Variants in EPN2 observed in about 807,000 individuals in gnomAD.
The protein encoded by EPN2 is epsin 2, also known as epsin-2.
A neutral mutation model predicts 61.7 loss-of-function variants in EPN2; 34 were observed. The ratio of observed to expected loss-of-function variants is 0.55; its 90% CI spans 0.42 to 0.73. EPN2 has a LOEUF of 0.73. Among genes scored for constraint, EPN2 ranks in the 30% least tolerant of loss-of-function variants. EPN2 has a pLI of 0.00. For missense variants in EPN2, 714 were observed against 839.2 expected (o/e 0.85, Z 1.84); for synonymous variants, 349 against 353.6 (o/e 0.99, Z 0.15).
At chr17:19,314,262 G>A (rs1385922964) in intron 7 of EPN2, among the ~76,000 whole-genome samples, 2 of 152,168 alleles carry the variant, frequency 1.3e-5, no homozygotes, top group Admixed American at 1.3e-4. Flanking sequence ...TCCAGGACTC[G>A]ATGGAGGTTA....
chr17:19,320,845 A>T (rs1468225228), intron 7 of EPN2, among the ~76,000 whole-genome samples: 1 of 152,198 alleles, frequency 6.6e-6, no homozygotes, highest in African/African-American at 2.4e-5. Flanking sequence ...GTGTGCAGAG[A>T]TGCAGATAAA....
At chr17:19,306,353 T>A (rs1476026182) in intron 4 of EPN2, 2 of 152,252 alleles carry the variant, frequency 1.3e-5, no homozygotes, top group Non-Finnish European at 2.9e-5. Context: ...GAATCCTCCC[T>A]CGAAGCTCAG....
intron 1 of EPN2, among the ~76,000 whole-genome samples, chr17:19,257,631 C>T (rs1423010583): frequency 1.3e-5 from 2 of 151,904 alleles, no homozygotes; most frequent in Admixed American, 1.3e-4. Context: ...GATTCTCCTG[C>T]CTCCACCTCC....
intron 1 of EPN2, among the ~76,000 whole-genome samples, chr17:19,256,915 C>G (rs1342836125): frequency 6.6e-6 from 1 of 152,196 alleles, no homozygotes; most frequent in East Asian, 1.9e-4. Context: ...GTCTTTGCAA[C>G]TAATCTGGTC....
intron 1 of EPN2, among the ~76,000 whole-genome samples, chr17:19,254,358 A>G (rs141358622): frequency 0.01 from 1,572 of 151,952 alleles, 27 homozygotes; most frequent in African/African-American, 0.036. Flanking sequence ...CCTAGCCAAC[A>G]TGGTGAAACC....
chr17:19,284,988 C>T (rs975983302), intron 3 of EPN2, among the ~76,000 whole-genome samples: 1 of 152,212 alleles, frequency 6.6e-6, no homozygotes, highest in African/African-American at 2.4e-5. Context: ...TCTCCAGAAG[C>T]CTCAATGCAG....
intron 10 of EPN2, among the ~76,000 whole-genome samples, chr17:19,333,012 G>C (rs1416075301): frequency 6.6e-6 from 1 of 152,224 alleles, no homozygotes; most frequent in Non-Finnish European, 1.5e-5. Context: ...TTGGGCAGAG[G>C]TGAGGTGTGT....
intron 7 of EPN2, among the ~76,000 whole-genome samples, chr17:19,316,740 C>T (rs1906402523): frequency 6.6e-6 from 1 of 152,214 alleles, no homozygotes; most frequent in Non-Finnish European, 1.5e-5. Context: ...CTAAACAATA[C>T]CACGCTGTAC....
At position 19,290,720 on chromosome 17, in the gene EPN2, A is replaced by AAAAAAAAAAAAAAAAAAAG. The variant is rs1555600084; in HGVS notation, c.766+4935_766+4936insAAAAAAAAAAAAAGAAAAA. 3.1e-4 allele frequency among the ~76,000 whole-genome samples: 33 copies of AAAAAAAAAAAAAAAAAAAG among 105,548 alleles called. 1 individual carries two copies. The highest frequency in any genetic ancestry group is 5.5e-4 in the African/African-American group (15 of 27,122). The allele number at this position is 105,548 out of a possible 152,430, so 69.2% of individuals were successfully genotyped here. A position where few individuals can be genotyped will look rare whatever the true frequency, so the allele number is the denominator to read the frequency against. On this transcript the variant is annotated intron_variant, in intron 4 of 10. Transcript: ENST00000314728. ...GTTCTCAAAAAAAAAAAAAAAGAAA[A>AAAAAAAAAAAAAAAAAAAG]AAAAAGAAAAAGGAAGGCAGGCAGA...
chr17:19,301,326 T>C (rs1905506061), intron 4 of EPN2, among the ~76,000 whole-genome samples: 1 of 152,202 alleles, frequency 6.6e-6, no homozygotes, highest in Non-Finnish European at 1.5e-5. Flanking sequence ...CTACCCTGTT[T>C]ACAAATAAGG....
intron 4 of EPN2, among the ~76,000 whole-genome samples, chr17:19,304,268 A>G: frequency 6.6e-6 from 1 of 152,182 alleles, no homozygotes; most frequent in East Asian, 1.9e-4. Context: ...CTCAGTAGCC[A>G]AGGTCATTGC....
intron 1 of EPN2, among the ~76,000 whole-genome samples, chr17:19,267,647 A>G (rs1022461799): frequency 6.6e-6 from 1 of 151,824 alleles, no homozygotes; most frequent in African/African-American, 2.4e-5. Context: ...GGTTCAAGCG[A>G]TTCTCCTGCC....
Position 19,285,017 on chromosome 17 carries a change from C to G in EPN2, c.596-603C>G, listed in dbSNP as rs950553504. Among the ~76,000 whole-genome samples, 1 of 152,214 alleles carries G rather than the reference C, an allele frequency of 6.6e-6. No homozygotes were observed. The highest frequency in any genetic ancestry group is 2.4e-5 in the African/African-American group (1 of 41,460). ...AATGCAGGGTTAAATTGCACCAAAA[C>G]AAATGAAGATTGCCCTTTAAGAAGT... On this transcript the variant is annotated intron_variant, in intron 3 of 10. Transcript: ENST00000314728. This position sits in a 1 kb window ranked among gnomAD's most constrained non-coding sequence, Gnocchi z 4.5.
intron 1 of EPN2, among the ~76,000 whole-genome samples, chr17:19,255,847 T>C (rs2045071258): frequency 6.6e-6 from 1 of 151,852 alleles, no homozygotes; most frequent in African/African-American, 2.4e-5. Flanking sequence ...GATCTTGAAC[T>C]CCTAGCTTTA....
chr17:19,309,865 G>T lies in EPN2; in HGVS notation c.767-20G>T. 6.3e-7 allele frequency: 1 copy of T among 1,595,280 alleles called. No homozygotes were observed. Among genetic ancestry groups the T allele is most frequent in the South Asian group, 1.1e-5 (1 of 90,916 alleles). The stretch of plus-strand genomic sequence containing the variant: ...ATCAGCCTTGTCTTTTGCATATGAT[G>T]ACTTGGTCTTCCCCAACAGCCACCT... On this transcript the variant is annotated intron_variant, in intron 4 of 10. Transcript: ENST00000314728.
chr17:19,320,098 C>T (rs913415580), intron 7 of EPN2, among the ~76,000 whole-genome samples: 2 of 152,254 alleles, frequency 1.3e-5, no homozygotes, highest in South Asian at 2.1e-4. Flanking sequence ...ATCCTGGATT[C>T]CCTTAAATGC....
chr17:19,273,170 T>C (rs968035495), intron 1 of EPN2: 1 of 152,188 alleles, frequency 6.6e-6, no homozygotes, highest in Non-Finnish European at 1.5e-5. Flanking sequence ...CCTAGGTGGC[T>C]TCTTGAGGGT....
intron 4 of EPN2, among the ~76,000 whole-genome samples, chr17:19,298,707 T>C (rs1196632836): frequency 6.6e-6 from 1 of 152,232 alleles, no homozygotes; most frequent in Admixed American, 6.5e-5. Context: ...GGCAGCTTAC[T>C]TAATTTAACT....
rs1330540120 is a variant in EPN2 at position 19,334,365 on chromosome 17, T to C, written c.*111T>C. 1 of 857,816 alleles carries C rather than the reference T, an allele frequency of 1.2e-6. No homozygotes were observed. Among genetic ancestry groups the C allele is most frequent in the Non-Finnish European group, 1.6e-6 (1 of 622,890 alleles). The allele number at this position is 857,816 out of a possible 1,614,324, so 53.1% of individuals were successfully genotyped here. A position where few individuals can be genotyped will look rare whatever the true frequency, so the allele number is the denominator to read the frequency against. On this transcript the variant is annotated 3_prime_UTR_variant, in exon 11 of 11. Transcript: ENST00000314728. This position sits in a 1 kb window ranked among gnomAD's most constrained non-coding sequence, Gnocchi z 4.9. ...TGGGGATTAGGGGTATTAGGGCTTT[T>C]CAGCTCCAGCTTCCTGATGAAAGGG...
Sources: gnomAD v4.1 joint callset for allele counts (sites outside exome capture counted in the v4.1 genomes callset) on GRCh38, gnomAD v4.1.1 for gene constraint, Gnocchi (gnomAD v3.1) non-coding constraint, MANE v1.5 for transcripts, NCBI Gene and HGNC (gene_info 2026-07-23, HGNC 2026-07-21) for gene names.